The following ALDH1A2 variants were observed in gnomAD, a reference collection of about 807,000 sequenced individuals.
The protein encoded by ALDH1A2 is aldehyde dehydrogenase 1 family member A2, also known as retinal dehydrogenase 2.
In ALDH1A2, 27 loss-of-function variants were observed where a neutral mutation model predicts 60.3. The observed-to-expected ratio is 0.45, with a 90% CI of 0.33 to 0.62. The LOEUF is 0.62. Among genes scored for constraint, ALDH1A2 ranks in the 20% least tolerant of loss-of-function variants. The pLI, the probability that ALDH1A2 is intolerant of heterozygous loss-of-function variation, is 0.02. For synonymous variants in ALDH1A2, 289 were observed against 232.4 expected (o/e 1.24, Z -2.21); for missense variants, 581 against 643.8 (o/e 0.90, Z 1.06).
intron 1 of ALDH1A2, among the ~76,000 whole-genome samples, chr15:58,038,050 T>C (rs1309542554): frequency 6.6e-6 from 1 of 151,704 alleles, no homozygotes; most frequent in Non-Finnish European, 1.5e-5. Context: ...TCTTGAAATC[T>C]ACATCTCTGA....
intron 1 of ALDH1A2, among the ~76,000 whole-genome samples, chr15:58,030,451 C>G (rs1197002758): frequency 6.6e-6 from 1 of 152,100 alleles, no homozygotes; most frequent in Non-Finnish European, 1.5e-5. Context: ...TGGGCAAAAA[C>G]TAGAAGCATT....
In ALDH1A2 at chr15:57,987,754, G is replaced by A. The variant is rs182297915; in HGVS notation, c.798+4951C>T. Among the ~76,000 whole-genome samples, 486 of 151,912 alleles carry A rather than the reference G, an allele frequency of 3.2e-3. 4 individuals carry two copies. The highest frequency in any genetic ancestry group is 0.011 in the African/African-American group (466 of 41,440). On this transcript the variant is annotated intron_variant, in intron 7 of 12. Transcript: ENST00000249750. ...AAAAAAATTAACCAGGCATGGTAGCGGGTGCCTGTAGTCCCAGCTACTCGG... is the reference window on the plus strand; with the variant it reads ...AAAAAAATTAACCAGGCATGGTAGCAGGTGCCTGTAGTCCCAGCTACTCGG...
At chr15:58,029,380 G>A (rs1383684998) in intron 1 of ALDH1A2, among the ~76,000 whole-genome samples, 3 of 152,176 alleles carry the variant, frequency 2.0e-5, no homozygotes, top group Non-Finnish European at 2.9e-5. Context: ...GAATCTCTGG[G>A]ACACATTTAA....
intron 12 of ALDH1A2, among the ~76,000 whole-genome samples, 175 bp from the exon 13 acceptor site, chr15:57,955,444 C>G (rs1175920878): frequency 2.0e-5 from 3 of 151,842 alleles, no homozygotes; most frequent in African/African-American, 7.3e-5. Flanking sequence ...GTCAGAGAAA[C>G]TGTCATCTCA....
chr15:57,965,843 T>C lies in ALDH1A2; in HGVS notation c.799-16A>G, dbSNP rs1893877998. ...GCTTTCCAACCTGAAAGAAGGGAAA[T>C]GGAGACAGGTTTTGCAAATCCTGCA... On this transcript the variant is annotated splice_polypyrimidine_tract_variant and intron_variant, in intron 7 of 12. Coordinates refer to ENST00000249750, the MANE Select transcript of ALDH1A2 (RefSeq NM_003888.4). The C allele has an allele frequency of 6.2e-7, 1 of 1,609,162 alleles. No individual in the cohort carries two copies. Among genetic ancestry groups the C allele is most frequent in the Non-Finnish European group, 8.5e-7 (1 of 1,175,686 alleles).
chr15:57,985,959 G>C (rs1388953119), intron 7 of ALDH1A2, among the ~76,000 whole-genome samples: 1 of 152,080 alleles, frequency 6.6e-6, no homozygotes, highest in Non-Finnish European at 1.5e-5. Flanking sequence ...TGTCCTTATG[G>C]TTGTATTCCT....
chr15:57,996,517 T>C (rs1441273216), intron 4 of ALDH1A2, among the ~76,000 whole-genome samples: 2 of 150,784 alleles, frequency 1.3e-5, no homozygotes, highest in East Asian at 3.9e-4. Context: ...TTTTTTTTTT[T>C]CCTGTAAAGC....
rs7164634 is a variant in ALDH1A2, at chr15:57,959,902, C to A, written c.1484+868G>T. On this transcript the variant is annotated intron_variant, in intron 12 of 12. Coordinates refer to ENST00000249750, the MANE Select transcript of ALDH1A2 (RefSeq NM_003888.4). ...GTTCACTGCATTTCTCCCACAAACACACACTACCGTTATTTTTCCCGCAAT... is the reference window on the plus strand; with the variant it reads ...GTTCACTGCATTTCTCCCACAAACAAACACTACCGTTATTTTTCCCGCAAT... 8.7e-3 allele frequency among the ~76,000 whole-genome samples: 1,327 copies of A among 152,220 alleles called. 14 individuals are homozygous for A. Among genetic ancestry groups the A allele is most frequent in the African/African-American group, 0.025 (1,028 of 41,554 alleles).
intron 7 of ALDH1A2, among the ~76,000 whole-genome samples, chr15:57,984,988 T>A (rs773605047): frequency 6.6e-6 from 1 of 152,216 alleles, no homozygotes. Context: ...TCATGGTATA[T>A]AATCATTTTT....
intron 1 of ALDH1A2, chr15:58,038,606 G>C (rs542074757): frequency 1.3e-5 from 2 of 151,774 alleles, no homozygotes; most frequent in African/African-American, 2.4e-5. Flanking sequence ...AGCCTTGACA[G>C]AGGCAAGCTG....
chr15:58,061,779 G>T (rs1897045818), intron 1 of ALDH1A2, among the ~76,000 whole-genome samples: 1 of 152,012 alleles, frequency 6.6e-6, no homozygotes, highest in African/African-American at 2.4e-5. Context: ...GGTTTTGCAA[G>T]GATCAAACAA....
chr15:58,040,899 T>C (rs1226152438), intron 1 of ALDH1A2, among the ~76,000 whole-genome samples: 2 of 151,910 alleles, frequency 1.3e-5, no homozygotes, highest in Admixed American at 1.3e-4. Flanking sequence ...GTTTATAGAT[T>C]AGGAAAGTCA....
intron 1 of ALDH1A2, among the ~76,000 whole-genome samples, chr15:58,042,890 G>T (rs1211061416): frequency 4.6e-5 from 7 of 151,884 alleles, no homozygotes; most frequent in Non-Finnish European, 4.4e-5. Context: ...AGTCTGAAAG[G>T]CCAAATTGAA....
At chr15:58,039,769 C>G (rs1414691399) in intron 1 of ALDH1A2, among the ~76,000 whole-genome samples, 1 of 151,536 alleles carries the variant, frequency 6.6e-6, no homozygotes, top group Non-Finnish European at 1.5e-5. Flanking sequence ...AAGGGAGGAG[C>G]TGAAAAGAGA....
At chr15:58,054,794 G>A (rs1484439121) in intron 1 of ALDH1A2, among the ~76,000 whole-genome samples, 2 of 152,098 alleles carry the variant, frequency 1.3e-5, no homozygotes, top group Non-Finnish European at 2.9e-5. Context: ...TGTTATTAAG[G>A]GCAGTGTGTG....
chr15:58,004,594 G>A (rs894479191), intron 4 of ALDH1A2, among the ~76,000 whole-genome samples: 1 of 151,164 alleles, frequency 6.6e-6, no homozygotes, highest in Non-Finnish European at 1.5e-5. Context: ...CTGTTTCTGG[G>A]TTATTTCACT....
At chr15:58,045,117 A>AT (rs1472855003) in intron 1 of ALDH1A2, among the ~76,000 whole-genome samples, 2 of 152,136 alleles carry the variant, frequency 1.3e-5, no homozygotes, top group African/African-American at 2.4e-5. Flanking sequence ...GAAAGAAGAC[A>AT]TTTATGCAGC....
intron 7 of ALDH1A2, among the ~76,000 whole-genome samples, chr15:57,971,694 A>C (rs1894070545): frequency 6.6e-6 from 1 of 152,160 alleles, no homozygotes; most frequent in Non-Finnish European, 1.5e-5. Context: ...AAGCACTGGG[A>C]TGACAGGCCT....
intron 1 of ALDH1A2, among the ~76,000 whole-genome samples, chr15:58,047,336 G>C (rs1896661994): frequency 6.6e-6 from 1 of 151,904 alleles, no homozygotes; most frequent in African/African-American, 2.4e-5. Context: ...CCATTAAACT[G>C]TTTTCATTCC....
Sources: gnomAD v4.1 joint callset for allele counts (sites outside exome capture counted in the v4.1 genomes callset) on GRCh38, gnomAD v4.1.1 for gene constraint, MANE v1.5 for transcripts, NCBI Gene and HGNC (gene_info 2026-07-23, HGNC 2026-07-21) for gene names.